TSNAX: variants seen among roughly 807,000 people sequenced by gnomAD.
TSNAX encodes translin associated factor X.
In TSNAX, 12 loss-of-function variants were observed where a neutral mutation model predicts 33.0. The ratio of observed to expected loss-of-function variants is 0.36; its 90% CI spans 0.23 to 0.59. The LOEUF (loss-of-function observed/expected upper bound fraction) is 0.59. Among genes scored for constraint, TSNAX ranks in the 20% least tolerant of loss-of-function variants. The pLI is 0.74. For missense variants in TSNAX, 267 were observed against 341.3 expected (o/e 0.78, Z 1.72); for synonymous variants, 110 against 117.2 (o/e 0.94, Z 0.40).
chr1:231,560,861 T>C (rs1239998859), intron 4 of TSNAX, among the ~76,000 whole-genome samples: 1 of 152,150 alleles, frequency 6.6e-6, no homozygotes, highest in East Asian at 1.9e-4. Context: ...GGTTTTACTG[T>C]GTTGGCCAGG....
intron 4 of TSNAX, among the ~76,000 whole-genome samples, chr1:231,559,981 TATTA>T (rs1171005639): frequency 6.8e-6 from 1 of 146,534 alleles, no homozygotes; most frequent in African/African-American, 2.5e-5. Context: ...TTATTATTAT[TATTA>T]TTTTTTTTTT....
At chr1:231,549,291 A>G (rs1460383454) in intron 4 of TSNAX, among the ~76,000 whole-genome samples, 1 of 152,156 alleles carries the variant, frequency 6.6e-6, no homozygotes, top group African/African-American at 2.4e-5. Flanking sequence ...TAAAAATACA[A>G]AAATTAGCTG....
intron 1 of TSNAX, 21 bp from the exon 2 acceptor site, chr1:231,529,233 CT>C (rs1658485220): frequency 6.2e-7 from 1 of 1,607,574 alleles, no homozygotes; most frequent in Non-Finnish European, 8.5e-7. Context: ...AGATCCCTCT[CT>C]TTTTTTCTTC....
intron 4 of TSNAX, among the ~76,000 whole-genome samples, chr1:231,550,777 A>T (rs1660248004): frequency 6.6e-6 from 1 of 152,180 alleles, no homozygotes; most frequent in South Asian, 2.1e-4. Flanking sequence ...GGGGAATTGG[A>T]AGCTGACAAT....
In TSNAX at chr1:231,542,508, T is replaced by G; in HGVS notation, c.264T>G (p.Thr88=). ...TSAPDMEDIL[T]ESEIKLDGVR... ...CTCCTGATATGGAAGATATATTGACTGAATCAGAAATTAAATTGGATGGTG... is the reference window on the plus strand; with the variant it reads ...CTCCTGATATGGAAGATATATTGACGGAATCAGAAATTAAATTGGATGGTG... Residue 88 remains threonine, a synonymous_variant, in exon 4 of 6, where the codon ACT becomes ACG. Transcript: ENST00000366639. 3.7e-6 allele frequency: 6 copies of G among 1,614,050 alleles called. No individual in the cohort carries two copies. The highest frequency in any genetic ancestry group is 4.2e-6 in the Non-Finnish European group (5 of 1,179,970).
intron 4 of TSNAX, among the ~76,000 whole-genome samples, chr1:231,556,598 T>G (rs1428513293): frequency 6.6e-6 from 1 of 152,218 alleles, no homozygotes; most frequent in African/African-American, 2.4e-5. Flanking sequence ...GTAAGGCTGC[T>G]TATCCTGTTT....
At chr1:231,547,776 A>G (rs1251527717) in intron 4 of TSNAX, among the ~76,000 whole-genome samples, 1 of 152,058 alleles carries the variant, frequency 6.6e-6, no homozygotes, top group Non-Finnish European at 1.5e-5. Context: ...GAAGAATAAC[A>G]GCCCCTTTCA....
chr1:231,559,460 C>T (rs925889384), intron 4 of TSNAX, among the ~76,000 whole-genome samples: 14 of 152,128 alleles, frequency 9.2e-5, no homozygotes, highest in Admixed American at 9.2e-4. Flanking sequence ...TCCAAAGTAG[C>T]TGGGACTACA....
chr1:231,551,813 A>C (rs1660318400), intron 4 of TSNAX, among the ~76,000 whole-genome samples: 1 of 151,120 alleles, frequency 6.6e-6, no homozygotes, highest in African/African-American at 2.4e-5. Context: ...AAAAAAAAAA[A>C]AAAGTAAATA....
At chr1:231,531,209 C>T (rs1258688123) in intron 2 of TSNAX, among the ~76,000 whole-genome samples, 3 of 152,076 alleles carry the variant, frequency 2.0e-5, no homozygotes, top group Non-Finnish European at 4.4e-5. Context: ...CTGCCCGTCT[C>T]GGCCTCTCAG....
Position 231,537,225 on chromosome 1 carries a change from A to T in TSNAX, c.134A>T (p.Glu45Val). Residue 45 changes from glutamate (E) to valine (V), a missense_variant, in exon 3 of 6, where the codon GAA becomes GTA. This residue lies in a region of TSNAX where 200 missense variants were observed against 214.1 expected (regional missense o/e 0.93). Transcript: ENST00000366639. ...VMLAFKSFQQ[E>V]LDARHDKYER... is the part of the protein sequence containing the mutation. ...AATGTGTTTTTAGCATTTCAGCAGGAACTTGATGCAAGGCATGACAAATAT... is the reference window on the plus strand; with the variant it reads ...AATGTGTTTTTAGCATTTCAGCAGGTACTTGATGCAAGGCATGACAAATAT... 1.2e-6 allele frequency: 2 copies of T among 1,611,772 alleles called. No homozygotes were observed. Among genetic ancestry groups the T allele is most frequent in the Non-Finnish European group, 1.7e-6 (2 of 1,179,038 alleles).
chr1:231,548,154 A>G (rs1353547971), intron 4 of TSNAX, among the ~76,000 whole-genome samples: 1 of 152,238 alleles, frequency 6.6e-6, no homozygotes, highest in Non-Finnish European at 1.5e-5. Flanking sequence ...CTTTAAAGAC[A>G]TTATAAAATA....
At chr1:231,535,060 C>G (rs1659072038) in intron 2 of TSNAX, 1 of 152,088 alleles carries the variant, frequency 6.6e-6, no homozygotes, top group South Asian at 2.1e-4. Flanking sequence ...AAGGTACAAG[C>G]TTAGAGAATC....
chr1:231,528,861 C>T (rs41303127), intron 1 of TSNAX, 35 bp downstream of exon 1: 435,198 of 1,612,040 alleles, frequency 0.27, 63,851 homozygotes, highest in Middle Eastern at 0.34. Flanking sequence ...GTTATTTATC[C>T]GGAGGGGGAG....
Position 231,532,583 on chromosome 1 carries a change from G to T in TSNAX, c.121+3224G>T, listed in dbSNP as rs151056712. 2.4e-3 allele frequency among the ~76,000 whole-genome samples: 363 copies of T among 152,032 alleles called. 2 individuals are homozygous for T. The highest frequency in any genetic ancestry group is 8.3e-3 in the African/African-American group (343 of 41,482). ...AAATTTTAATAAACTTGAAAAAAAAGGTCCAAGTTTCTTTTTTTGGAGGTG... is the reference window on the plus strand; with the variant it reads ...AAATTTTAATAAACTTGAAAAAAAATGTCCAAGTTTCTTTTTTTGGAGGTG... On this transcript the variant is annotated intron_variant, in intron 2 of 5. Transcript: ENST00000366639.
intron 2 of TSNAX, chr1:231,536,632 T>C (rs1659192603): frequency 6.6e-6 from 1 of 152,248 alleles, no homozygotes; most frequent in Non-Finnish European, 1.5e-5. Context: ...GAACATTAAC[T>C]GGACCTCTTG....
At chr1:231,562,214 T>C (rs1388788202) in intron 5 of TSNAX, among the ~76,000 whole-genome samples, 3 of 147,650 alleles carry the variant, frequency 2.0e-5, no homozygotes, top group South Asian at 2.1e-4. Flanking sequence ...ATATTAAATA[T>C]TTAATTATTT....
At chr1:231,547,734 T>G (rs570836807) in intron 4 of TSNAX, among the ~76,000 whole-genome samples, 2 of 151,852 alleles carry the variant, frequency 1.3e-5, no homozygotes, top group South Asian at 4.2e-4. Context: ...ATTTGAGAAT[T>G]GTAGTACATA....
chr1:231,560,415 C>CA (rs1194858721), intron 4 of TSNAX, among the ~76,000 whole-genome samples: 5 of 108,466 alleles, frequency 4.6e-5, no homozygotes. Context: ...CTCCCCCCCC[C>CA]CCCTTTTTTT....
Sources: gnomAD v4.1 joint callset for allele counts (sites outside exome capture counted in the v4.1 genomes callset) on GRCh38, gnomAD v4.1.1 for gene constraint, gnomAD v4.1.1 regional missense constraint, MANE v1.5 for transcripts, NCBI Gene and HGNC (gene_info 2026-07-23, HGNC 2026-07-21) for gene names.